The following EFCAB6 variants were observed in gnomAD, a reference collection of about 807,000 sequenced individuals.
EFCAB6 encodes the protein EF-hand calcium binding domain 6.
A neutral mutation model predicts 169.8 loss-of-function variants in EFCAB6; 156 were observed. That is an observed-to-expected ratio of 0.92 (90% CI 0.81 to 1.05). The LOEUF is 1.05. Ranked by LOEUF, EFCAB6 falls within the 50% of genes least tolerant of loss-of-function variation. The pLI is 0.00. For missense variants in EFCAB6, 1,800 were observed against 1,829.1 expected (o/e 0.98, Z 0.29); for synonymous variants, 698 against 676.4 (o/e 1.03, Z -0.50).
chr22:43,795,479 G>A lies in EFCAB6; in HGVS notation c.-7-13154C>T, dbSNP rs113164409. Among the ~76,000 whole-genome samples, 441 of 152,038 alleles carry A rather than the reference G, an allele frequency of 2.9e-3. 1 individual carries two copies. Among genetic ancestry groups the A allele is most frequent in the Non-Finnish European group, 4.9e-3 (336 of 67,970 alleles). On this transcript the variant is annotated intron_variant, in intron 2 of 31. Transcript: ENST00000262726. The surrounding 1 kb of genome is among the most constrained non-coding windows in gnomAD (Gnocchi z 4.2). ...CTCCTGCCCACATCTCCCCTCTCAC[G>A]GCCCCATGGGTCCCTCGGCCCTGCT...
chr22:43,750,613 A>G (rs542226731), intron 6 of EFCAB6, among the ~76,000 whole-genome samples: 56 of 152,350 alleles, frequency 3.7e-4, no homozygotes, highest in African/African-American at 1.3e-3. Flanking sequence ...TTGTTTTAGT[A>G]AATGGCCTCA....
chr22:43,571,965 C>T (rs1018837569), intron 26 of EFCAB6, among the ~76,000 whole-genome samples: 2 of 152,200 alleles, frequency 1.3e-5, no homozygotes, highest in Admixed American at 6.5e-5. Context: ...GTTAGCTTCT[C>T]GGCCAGGTGC....
At chr22:43,634,703 T>G (rs1443252164) in intron 18 of EFCAB6, among the ~76,000 whole-genome samples, 2 of 151,950 alleles carry the variant, frequency 1.3e-5, no homozygotes, top group African/African-American at 4.8e-5. Context: ...TGGGTGGCCT[T>G]TTATAATCTC....
intron 22 of EFCAB6, among the ~76,000 whole-genome samples, chr22:43,602,844 A>G (rs9614453): frequency 0.21 from 31,999 of 151,910 alleles, 3,600 homozygotes; most frequent in African/African-American, 0.26. Flanking sequence ...GCATTTGCGG[A>G]TACATGAGGA....
chr22:43,536,172 CTCAAAA>C (rs2047373774), intron 29 of EFCAB6: 1 of 151,910 alleles, frequency 6.6e-6, no homozygotes, highest in Admixed American at 6.6e-5. Flanking sequence ...GTTTATCACT[CTCAAAA>C]TCAAAGAATT....
At chr22:43,624,824 G>C (rs2054384944) in intron 20 of EFCAB6, among the ~76,000 whole-genome samples, 1 of 152,200 alleles carries the variant, frequency 6.6e-6, no homozygotes, top group South Asian at 2.1e-4. Flanking sequence ...TGATGAATGA[G>C]TGTATACATA....
chr22:43,745,991 C>T (rs974435134), intron 6 of EFCAB6, among the ~76,000 whole-genome samples: 2 of 152,240 alleles, frequency 1.3e-5, no homozygotes, highest in African/African-American at 2.4e-5. Context: ...CATCTGTTTA[C>T]ACTCTGCAGA....
At chr22:43,675,617 T>C (rs1430982589) in intron 13 of EFCAB6, among the ~76,000 whole-genome samples, 1 of 146,180 alleles carries the variant, frequency 6.8e-6, no homozygotes, top group African/African-American at 2.5e-5. Context: ...ATATAATATA[T>C]TATACATAAT....
At chr22:43,763,478 C>T (rs573076194) in intron 5 of EFCAB6, among the ~76,000 whole-genome samples, 3 of 152,258 alleles carry the variant, frequency 2.0e-5, no homozygotes, top group Admixed American at 2.0e-4. Flanking sequence ...CAAAACTCTA[C>T]ACCCATGTAC....
At chr22:43,568,046 G>A (rs1169147405) in intron 26 of EFCAB6, among the ~76,000 whole-genome samples, 1 of 152,188 alleles carries the variant, frequency 6.6e-6, no homozygotes, top group African/African-American at 2.4e-5. Context: ...AGGAGCAACA[G>A]AGCAGTGAGC....
In EFCAB6 at chr22:43,585,788, T is replaced by C. The variant is rs369331274; in HGVS notation, c.3032+4286A>G. Among the ~76,000 whole-genome samples, 8 of 152,094 alleles carry C rather than the reference T, an allele frequency of 5.3e-5. No homozygotes were observed. The East Asian group carries it at 9.6e-4, about 18-fold the overall frequency. On this transcript the variant is annotated intron_variant, in intron 24 of 31. Coordinates refer to ENST00000262726, the MANE Select transcript of EFCAB6 (RefSeq NM_022785.4). ...AATCTTAGGAAAACACCCTTATCTA[T>C]AGAGGAACAAAGATAATGAATTATA...
At chr22:43,775,962 G>A (rs1291357694) in intron 3 of EFCAB6, among the ~76,000 whole-genome samples, 1 of 152,252 alleles carries the variant, frequency 6.6e-6, no homozygotes, top group East Asian at 1.9e-4. Flanking sequence ...ATAGAGCAGA[G>A]ACAAGCTGAC....
chr22:43,582,476 A>G (rs947746494), intron 24 of EFCAB6, among the ~76,000 whole-genome samples: 11 of 152,214 alleles, frequency 7.2e-5, no homozygotes, highest in African/African-American at 2.7e-4. Flanking sequence ...ACAAGCCATC[A>G]ATGTGTGTGA....
intron 27 of EFCAB6, 133 bp from the exon 28 acceptor site, chr22:43,540,490 TA>T: frequency 2.6e-6 from 4 of 1,533,758 alleles, no homozygotes; most frequent in Non-Finnish European, 3.5e-6. Flanking sequence ...AGAAGAAAAT[TA>T]AAAAAATAAA....
intron 21 of EFCAB6, among the ~76,000 whole-genome samples, chr22:43,610,680 T>C (rs763611473): frequency 5.9e-5 from 9 of 152,228 alleles, no homozygotes; most frequent in Non-Finnish European, 1.0e-4. Context: ...TTTAAACTTA[T>C]TTAAACTATA....
chr22:43,802,636 C>A, intron 2 of EFCAB6: 1 of 482,756 alleles, frequency 2.1e-6, no homozygotes, highest in Non-Finnish European at 4.1e-6. Flanking sequence ...CTAAAAGGGC[C>A]CCTACAAAGA....
At chr22:43,762,375 A>C (rs1301299890) in intron 5 of EFCAB6, among the ~76,000 whole-genome samples, 1 of 152,178 alleles carries the variant, frequency 6.6e-6, no homozygotes, top group Non-Finnish European at 1.5e-5. Context: ...CTGAATACAC[A>C]AATTCACCAG....
intron 22 of EFCAB6, among the ~76,000 whole-genome samples, chr22:43,601,402 G>A (rs1439104349): frequency 3.9e-5 from 6 of 152,190 alleles, no homozygotes; most frequent in Admixed American, 2.6e-4. Context: ...AATGGCATTC[G>A]CAGATGTGAT....
intron 20 of EFCAB6, among the ~76,000 whole-genome samples, chr22:43,618,800 C>T (rs1195706245): frequency 1.3e-5 from 2 of 152,090 alleles, no homozygotes; most frequent in African/African-American, 4.8e-5. Flanking sequence ...GTAATGGTGC[C>T]AACGATAGCA....
Sources: allele counts gnomAD v4.1 joint callset (sites outside exome capture counted in the v4.1 genomes callset), GRCh38; gene constraint gnomAD v4.1.1; non-coding constraint Gnocchi (gnomAD v3.1); transcripts MANE v1.5; gene names NCBI Gene and HGNC (gene_info 2026-07-23, HGNC 2026-07-21).